Variants in RAD23B observed in about 807,000 individuals in gnomAD.
RAD23B encodes the protein lysine-specific demethylase RAD23B.
A neutral mutation model predicts 49.1 loss-of-function variants in RAD23B; 5 were observed. The ratio of observed to expected loss-of-function variants is 0.10; its 90% CI spans 0.05 to 0.21. RAD23B has a LOEUF of 0.21. Among genes scored for constraint, RAD23B ranks in the 10% least tolerant of loss-of-function variants. The pLI is 1.00. For missense variants in RAD23B, 356 were observed against 486.7 expected, an observed-to-expected ratio of 0.73 and a Z score of 2.53; for synonymous variants, 184 against 165.4, an observed-to-expected ratio of 1.11 and a Z score of -0.86.
At chr9:107,322,228 A>G in intron 7 of RAD23B, 110 bp downstream of exon 7, 1 of 1,306,536 alleles carries the variant, frequency 7.7e-7, no homozygotes, top group Non-Finnish European at 1.0e-6. Flanking sequence ...CAGTCGAATA[A>G]TTCGTTAAGT....
intron 4 of RAD23B, among the ~76,000 whole-genome samples, chr9:107,307,223 A>G (rs941621161): frequency 4.6e-5 from 7 of 151,642 alleles, no homozygotes; most frequent in Middle Eastern, 6.8e-3. Flanking sequence ...TCTTTAGGGG[A>G]AAAAAAAGGA....
Position 107,331,406 on chromosome 9 carries a change from G to T in RAD23B, c.*1750G>T. On this transcript the variant is annotated 3_prime_UTR_variant, in exon 10 of 10. Coordinates refer to ENST00000358015, the MANE Select transcript of RAD23B (RefSeq NM_002874.5). ...TGGTCCCAGCTACTTGGGAGGCTGAGGCATGAGAATTGCTTGAACCCGGGA... is the reference window on the plus strand; with the variant it reads ...TGGTCCCAGCTACTTGGGAGGCTGATGCATGAGAATTGCTTGAACCCGGGA... The T allele has an allele frequency of 2.8e-6, 1 of 353,156 alleles. No homozygotes were observed. Among genetic ancestry groups the T allele is most frequent in the Non-Finnish European group, 5.1e-6 (1 of 196,140 alleles). 21.9% of individuals were successfully genotyped at this position (353,156 alleles called of 1,614,324 possible).
chr9:107,307,781 A>G (rs1826808539), intron 4 of RAD23B, among the ~76,000 whole-genome samples: 3 of 152,172 alleles, frequency 2.0e-5, no homozygotes, highest in African/African-American at 7.2e-5. Context: ...CTCTTTCTAA[A>G]TAATTGATTC....
At chr9:107,311,841 T>C (rs1473427398) in intron 5 of RAD23B, 104 bp downstream of exon 5, 1 of 837,994 alleles carries the variant, frequency 1.2e-6, no homozygotes, top group East Asian at 3.0e-5. Flanking sequence ...TGGTTGTTTA[T>C]AATCAAGCTG....
At chr9:107,291,990 T>C (rs936012586) in intron 1 of RAD23B, among the ~76,000 whole-genome samples, 5 of 152,212 alleles carry the variant, frequency 3.3e-5, no homozygotes, top group Admixed American at 1.3e-4. Flanking sequence ...AAATAAAGTA[T>C]AGTAAAATGA....
At chr9:107,305,885 G>A (rs1178586622) in intron 3 of RAD23B, among the ~76,000 whole-genome samples, 1 of 151,670 alleles carries the variant, frequency 6.6e-6, no homozygotes, top group Non-Finnish European at 1.5e-5. Context: ...CGTGGTGGGA[G>A]GATTGCTTCA....
At chr9:107,307,574 C>T (rs1826803991) in intron 4 of RAD23B, among the ~76,000 whole-genome samples, 1 of 152,186 alleles carries the variant, frequency 6.6e-6, no homozygotes, top group Non-Finnish European at 1.5e-5. Context: ...CAGAATCAGA[C>T]ACAGTGGAAA....
At chr9:107,314,352 C>A (rs1344656786) in intron 5 of RAD23B, among the ~76,000 whole-genome samples, 1 of 152,164 alleles carries the variant, frequency 6.6e-6, no homozygotes, top group Non-Finnish European at 1.5e-5. Flanking sequence ...CTCCACTCCC[C>A]ACCTTTTTTG....
At chr9:107,325,556 T>C (rs944539385) in intron 9 of RAD23B, among the ~76,000 whole-genome samples, 2 of 152,214 alleles carry the variant, frequency 1.3e-5, no homozygotes, top group African/African-American at 4.8e-5. Context: ...CATTGCTAAC[T>C]ATATAAAAAT....
intron 1 of RAD23B, among the ~76,000 whole-genome samples, chr9:107,299,581 G>A (rs988368794): frequency 6.6e-6 from 1 of 152,170 alleles, no homozygotes; most frequent in African/African-American, 2.4e-5. Flanking sequence ...AGCCTGGGCT[G>A]AACTTTGGAA....
intron 3 of RAD23B, among the ~76,000 whole-genome samples, chr9:107,303,991 T>C (rs1564244675): frequency 1.3e-5 from 2 of 152,168 alleles, no homozygotes; most frequent in African/African-American, 2.4e-5. Context: ...ATTCCTAATA[T>C]TACATAGGAT....
chr9:107,284,992 C>T, intron 1 of RAD23B: 1 of 1,273,658 alleles, frequency 7.9e-7, no homozygotes, highest in Non-Finnish European at 1.0e-6. Context: ...TACAGTGTTA[C>T]GTTTTACTTA....
chr9:107,290,857 G>C (rs919897271), intron 1 of RAD23B, among the ~76,000 whole-genome samples: 6 of 152,138 alleles, frequency 3.9e-5, no homozygotes, highest in African/African-American at 9.7e-5. Flanking sequence ...TAAAATCAAT[G>C]AACAAGGTCC....
intron 3 of RAD23B, among the ~76,000 whole-genome samples, chr9:107,303,681 G>A (rs564141120): frequency 4.6e-4 from 70 of 152,144 alleles, no homozygotes; most frequent in African/African-American, 1.7e-3. Flanking sequence ...ATGTCATTGA[G>A]GTTCATCTGT....
chr9:107,331,074 C>CT lies in RAD23B; in HGVS notation c.*1426dup, dbSNP rs11573727. 112,934 of 152,130 alleles carry CT rather than the reference C, an allele frequency of 0.74. 42,746 individuals carry two copies. Among genetic ancestry groups the CT allele is most frequent in the African/African-American group, 0.9 (37,272 of 41,364 alleles). The allele number at this position is 152,130 out of a possible 1,614,324, so 9.4% of individuals were successfully genotyped here. On this transcript the variant is annotated 3_prime_UTR_variant, in exon 10 of 10. Transcript: ENST00000358015. The stretch of plus-strand genomic sequence containing the variant: ...TTGGATTGCTTTTGTTTTTTGTTTC[C>CT]TTTTTTTTAACCATCTGATACTAAG...
At position 107,306,603 on chromosome 9, in the gene RAD23B, G is replaced by A. The variant is rs146029019; in HGVS notation, c.453G>A (p.Lys151=). 3.7e-3 allele frequency: 5,992 copies of A among 1,614,170 alleles called. 15 individuals are homozygous for A. The highest frequency in any genetic ancestry group is 4.5e-3 in the Non-Finnish European group (5,280 of 1,180,022). Residue 151 remains lysine, a synonymous_variant, in exon 4 of 10, where the codon AAG becomes AAA. Transcript: ENST00000358015. ...CTAAACAAGAGAAGCCTGCAGAAAA[G>A]CCAGCAGAGACACCAGTGGCTACTA... ...SAAKQEKPAE[K]PAETPVATSP...
Position 107,302,093 on chromosome 9 carries a change from T to C in RAD23B, c.207T>C (p.Phe69=), listed in dbSNP as rs750066380. 3 of 1,613,412 alleles carry C rather than the reference T, an allele frequency of 1.9e-6. No homozygotes were observed. The highest frequency in any genetic ancestry group is 1.1e-5 in the South Asian group (1 of 91,046). ...AATATAAAATTGATGAGAAAAACTT[T>C]GTGGTGGTTATGGTGACCAAAGTAA... The part of the protein sequence containing the change: ...LKEYKIDEKN[F]VVVMVTKPKA... Residue 69 remains phenylalanine (F), a synonymous_variant, in exon 3 of 10, where the codon TTT becomes TTC. Transcript: ENST00000358015.
At position 107,325,349 on chromosome 9, in the gene RAD23B, G is replaced by C. The variant is rs988946974; in HGVS notation, c.1116+345G>C. ...AAAAAAAAAAAAAAAAAATTCCTTA[G>C]TCACACTAGCCCCATTTCAAATGCT... On this transcript the variant is annotated intron_variant, in intron 9 of 9. Coordinates refer to ENST00000358015, the MANE Select transcript of RAD23B (RefSeq NM_002874.5). Among the ~76,000 whole-genome samples the C allele has an allele frequency of 2.1e-5, 3 of 143,054 alleles. No individual in the cohort carries two copies. The South Asian group carries it at 6.7e-4, about 32-fold the overall frequency. 93.8% of individuals were successfully genotyped at this position (143,054 alleles called of 152,430 possible). A position where few individuals can be genotyped will look rare whatever the true frequency, so the allele number is the denominator to read the frequency against.
chr9:107,307,441 A>G (rs138676784), intron 4 of RAD23B, among the ~76,000 whole-genome samples: 10 of 152,322 alleles, frequency 6.6e-5, no homozygotes, highest in African/African-American at 2.4e-5. Flanking sequence ...ATACAGCACA[A>G]TTCCTTGATC....
Sources: gnomAD v4.1 joint callset for allele counts (sites outside exome capture counted in the v4.1 genomes callset) on GRCh38, gnomAD v4.1.1 for gene constraint, MANE v1.5 for transcripts, NCBI Gene and HGNC (gene_info 2026-07-23, HGNC 2026-07-21) for gene names.